GRAMD1B: variants seen among roughly 807,000 people sequenced by gnomAD.
GRAMD1B encodes protein Aster-B.
A neutral mutation model predicts 99.7 loss-of-function variants in GRAMD1B; 37 were observed. The observed-to-expected ratio is 0.37, with a 90% CI of 0.29 to 0.49. The LOEUF is 0.49. Ranked by LOEUF, GRAMD1B falls within the 20% of genes least tolerant of loss-of-function variation. The probability of loss-of-function intolerance (pLI) is 0.98; values close to 1 mark genes in which losing one functional copy is unlikely to be tolerated. For missense variants in GRAMD1B, 888 were observed against 1,009.2 expected (o/e 0.88, Z 1.63); for synonymous variants, 427 against 387.6 (o/e 1.10, Z -1.19).
intron 1 of GRAMD1B, among the ~76,000 whole-genome samples, chr11:123,443,733 C>A (rs565285758): frequency 1.8e-4 from 28 of 152,196 alleles, no homozygotes; most frequent in African/African-American, 6.7e-4. Context: ...CAGGTGTGCG[C>A]CACCACACCC....
At chr11:123,564,851 C>T (rs1177627282) in intron 2 of GRAMD1B, among the ~76,000 whole-genome samples, 1 of 152,160 alleles carries the variant, frequency 6.6e-6, no homozygotes, top group East Asian at 1.9e-4. Context: ...CTTTGCCTCC[C>T]AGTGGATTGG....
At chr11:123,470,469 G>A (rs895443280) in intron 1 of GRAMD1B, among the ~76,000 whole-genome samples, 9 of 150,778 alleles carry the variant, frequency 6.0e-5, no homozygotes, top group Non-Finnish European at 1.0e-4. Context: ...ACAGGCATGA[G>A]CAACCATGCC....
chr11:123,549,327 G>A (rs1045634535), intron 2 of GRAMD1B, among the ~76,000 whole-genome samples: 2 of 152,076 alleles, frequency 1.3e-5, no homozygotes, highest in African/African-American at 2.4e-5. Flanking sequence ...GGTGGATCAC[G>A]AGGTCAGGAG....
Position 123,370,335 on chromosome 11 carries a change from CTCTTT to C in GRAMD1B, c.-176+11538_-176+11542del, listed in dbSNP as rs1723387792. ...CATCTAAAAAAAAAAAAGAAGTTAT[CTCTTT>C]TTTTTTTTTTTTTTTTTTGAGACAG... On this transcript the variant is annotated intron_variant, in intron 1 of 20. Coordinates refer to the GRAMD1B transcript ENST00000638157. 2.3e-5 allele frequency among the ~76,000 whole-genome samples: 3 copies of C among 130,064 alleles called. No individual in the cohort carries two copies. In the South Asian group the frequency reaches 7.2e-4, roughly 31 times the overall value. The allele number at this position is 130,064 out of a possible 152,430, so 85.3% of individuals were successfully genotyped here. A position where few individuals can be genotyped will look rare whatever the true frequency, so the allele number is the denominator to read the frequency against.
At chr11:123,359,135 A>C (rs1946053518) in intron 1 of GRAMD1B, among the ~76,000 whole-genome samples, 1 of 152,056 alleles carries the variant, frequency 6.6e-6, no homozygotes, top group Non-Finnish European at 1.5e-5. Flanking sequence ...CAGAACAGGT[A>C]GAGAGGACAG....
intron 2 of GRAMD1B, among the ~76,000 whole-genome samples, chr11:123,563,769 A>G (rs904593558): frequency 6.6e-6 from 1 of 152,166 alleles, no homozygotes; most frequent in African/African-American, 2.4e-5. Flanking sequence ...TTTTAAAATC[A>G]TAAATAACTT....
intron 1 of GRAMD1B, among the ~76,000 whole-genome samples, chr11:123,436,869 C>A (rs1949184762): frequency 6.6e-6 from 1 of 152,160 alleles, no homozygotes; most frequent in African/African-American, 2.4e-5. Flanking sequence ...CGTCATTTAA[C>A]TTTAGGTGTG....
In GRAMD1B at chr11:123,580,820, TC is replaced by T. The variant is rs373653605; in HGVS notation, c.663+3245del. ...TGCAGCAGGTGCGGCAAAGCGCGCC[TC>T]CTCCCGCCCTGCTGCACACCTCCCC... is the stretch of plus-strand genomic sequence containing the variant. On this transcript the variant is annotated intron_variant, in intron 3 of 19. Coordinates refer to ENST00000635736, the MANE Select transcript of GRAMD1B (RefSeq NM_001387025.1). Among the ~76,000 whole-genome samples, 42 of 151,478 alleles carry T rather than the reference TC, an allele frequency of 2.8e-4. 1 individual carries two copies. The East Asian group carries it at 7.8e-3, about 28-fold the overall frequency.
intron 1 of GRAMD1B, among the ~76,000 whole-genome samples, chr11:123,419,630 AAAC>A (rs1223900969): frequency 1.3e-5 from 2 of 151,956 alleles, no homozygotes; most frequent in Non-Finnish European, 2.9e-5. Flanking sequence ...CTGTCTCTTA[AAAC>A]AACAACAACA....
intron 1 of GRAMD1B, among the ~76,000 whole-genome samples, chr11:123,370,319 A>G (rs1946481522): frequency 6.6e-6 from 1 of 150,856 alleles, no homozygotes; most frequent in Non-Finnish European, 1.5e-5. Flanking sequence ...CCATCTAAAA[A>G]AAAAAAAGAA....
chr11:123,367,189 C>G (rs1173508599), intron 1 of GRAMD1B, among the ~76,000 whole-genome samples: 2 of 152,136 alleles, frequency 1.3e-5, no homozygotes, highest in African/African-American at 2.4e-5. Flanking sequence ...GGCAACAGAG[C>G]AAGACCCTGT....
intron 2 of GRAMD1B, among the ~76,000 whole-genome samples, chr11:123,549,879 G>C (rs1222104292): frequency 1.3e-5 from 2 of 152,078 alleles, no homozygotes; most frequent in African/African-American, 4.8e-5. Flanking sequence ...GTGCTGCCCT[G>C]GGGGAGGGTG....
chr11:123,554,101 T>A (rs1433423709), intron 2 of GRAMD1B, among the ~76,000 whole-genome samples: 1 of 152,198 alleles, frequency 6.6e-6, no homozygotes, highest in Non-Finnish European at 1.5e-5. Flanking sequence ...GTTTCTCTGT[T>A]TACTCTGTAT....
intron 7 of GRAMD1B, chr11:123,599,107 C>A: frequency 2.3e-6 from 2 of 863,958 alleles, no homozygotes; most frequent in Non-Finnish European, 4.0e-6. Flanking sequence ...TTCTCTCGAG[C>A]CTTCAGGAGC....
At chr11:123,442,636 G>A (rs1949460416) in intron 1 of GRAMD1B, among the ~76,000 whole-genome samples, 1 of 152,172 alleles carries the variant, frequency 6.6e-6, no homozygotes, top group African/African-American at 2.4e-5. Flanking sequence ...CAAGTGTGGT[G>A]GCAGGCACCT....
rs577144044 is a variant in GRAMD1B, at chr11:123,444,388, T to G, written c.374+13222T>G. Reference sequence around the variant, plus strand: ...ACACCTATAATCGCAGCACTTTGGGTGGCTGAGGTGGGAGGATCACTTGAG... The same window carrying G: ...ACACCTATAATCGCAGCACTTTGGGGGGCTGAGGTGGGAGGATCACTTGAG... On this transcript the variant is annotated intron_variant, in intron 1 of 19. Coordinates refer to ENST00000635736, the MANE Select transcript of GRAMD1B (RefSeq NM_001387025.1). 2.2e-3 allele frequency among the ~76,000 whole-genome samples: 327 copies of G among 152,046 alleles called. 3 individuals are homozygous for G. Among genetic ancestry groups the G allele is most frequent in the African/African-American group, 7.6e-3 (317 of 41,486 alleles).
At chr11:123,403,506 GT>G (rs1591443272) in intron 1 of GRAMD1B, among the ~76,000 whole-genome samples, 1 of 149,882 alleles carries the variant, frequency 6.7e-6, no homozygotes, top group African/African-American at 2.4e-5. Context: ...GTCTCTTGTT[GT>G]TAGGCTTTTT....
In GRAMD1B at chr11:123,623,372, CT is replaced by C. The variant is rs915399406; in HGVS notation, c.*782del. 1 of 152,236 alleles carries C rather than the reference CT, an allele frequency of 6.6e-6. No individual in the cohort carries two copies. Among genetic ancestry groups the C allele is most frequent in the African/African-American group, 2.4e-5 (1 of 41,458 alleles). The allele number at this position is 152,236 out of a possible 1,614,324, so 9.4% of individuals were successfully genotyped here. ...CAGGCTGGATCTGGGCGAAGTGTCA[CT>C]TTTTAGTGCCTAAAGTCCTATTGTT... On this transcript the variant is annotated 3_prime_UTR_variant, in exon 20 of 20. Coordinates refer to ENST00000635736, the MANE Select transcript of GRAMD1B (RefSeq NM_001387025.1).
intron 7 of GRAMD1B, chr11:123,599,472 C>T: frequency 1.7e-6 from 1 of 601,894 alleles, no homozygotes; most frequent in South Asian, 1.4e-5. Flanking sequence ...ACCACGGCCT[C>T]TCGTTGTTGC....
Sources: allele counts gnomAD v4.1 joint callset (sites outside exome capture counted in the v4.1 genomes callset), GRCh38; gene constraint gnomAD v4.1.1; transcripts MANE v1.5; gene names NCBI Gene and HGNC (gene_info 2026-07-23, HGNC 2026-07-21).